Variants in GALNT13 observed in about 807,000 individuals in gnomAD.
The protein encoded by GALNT13 is polypeptide N-acetylgalactosaminyltransferase 13, also known as UDP-GalNAc:polypeptide N-acetylgalactosaminyltransferase 13.
In GALNT13, 28 loss-of-function variants were observed where a neutral mutation model predicts 64.2. That is an observed-to-expected ratio of 0.44 (90% CI 0.32 to 0.60). The LOEUF (loss-of-function observed/expected upper bound fraction) is 0.60. Ranked by LOEUF, GALNT13 falls within the 20% of genes least tolerant of loss-of-function variation. The pLI is 0.05. For missense variants in GALNT13, 577 were observed against 669.8 expected, an observed-to-expected ratio of 0.86 and a Z score of 1.53; for synonymous variants, 214 against 224.6, an observed-to-expected ratio of 0.95 and a Z score of 0.42.
At chr2:154,273,686 CA>C (rs1691478926) in intron 8 of GALNT13, among the ~76,000 whole-genome samples, 1 of 152,122 alleles carries the variant, frequency 6.6e-6, no homozygotes, top group African/African-American at 2.4e-5. Context: ...TCATTACAGA[CA>C]CATGCTTTTC....
intron 4 of GALNT13, among the ~76,000 whole-genome samples, chr2:154,185,158 G>T (rs1416597512): frequency 1.3e-5 from 2 of 151,978 alleles, no homozygotes; most frequent in African/African-American, 4.8e-5. Context: ...TAAGCACTTT[G>T]AATATGTCAT....
chr2:153,567,009 CAT>C, the GALNT13 span, among the ~76,000 whole-genome samples: 7 of 152,180 alleles, frequency 4.6e-5, no homozygotes, highest in Non-Finnish European at 1.0e-4. Flanking sequence ...AACTCCATAA[CAT>C]AAACTATTGA....
At chr2:154,318,941 C>T (rs190665324) in intron 9 of GALNT13, among the ~76,000 whole-genome samples, 8 of 151,928 alleles carry the variant, frequency 5.3e-5, no homozygotes, top group African/African-American at 1.9e-4. Flanking sequence ...ATACAGAGAG[C>T]ATATGATAAT....
chr2:153,257,194 G>T, the GALNT13 span, among the ~76,000 whole-genome samples: 1 of 152,154 alleles, frequency 6.6e-6, no homozygotes, highest in Non-Finnish European at 1.5e-5. Context: ...CGCAGTATTC[G>T]GGTGGGAGTG....
At chr2:154,378,586 G>C (rs193136395) in intron 9 of GALNT13, among the ~76,000 whole-genome samples, 1 of 152,138 alleles carries the variant, frequency 6.6e-6, no homozygotes. Flanking sequence ...TCTTACAAAA[G>C]TATGTAACAA....
the GALNT13 span, among the ~76,000 whole-genome samples, chr2:153,331,995 C>T: frequency 6.6e-5 from 10 of 152,000 alleles, no homozygotes; most frequent in East Asian, 1.3e-3. Flanking sequence ...GAGAAGGTTT[C>T]GTATTTCTGT....
the GALNT13 span, among the ~76,000 whole-genome samples, chr2:153,711,903 A>G: frequency 6.6e-6 from 1 of 152,328 alleles, no homozygotes; most frequent in Non-Finnish European, 1.5e-5. Context: ...CCTACCTTCA[A>G]GAAGGTGAAT....
intron 8 of GALNT13, among the ~76,000 whole-genome samples, chr2:154,269,926 T>TATATATATATATATATATATATA (rs1356571076): frequency 2.4e-3 from 81 of 33,282 alleles, no homozygotes; most frequent in African/African-American, 6.0e-3. Flanking sequence ...ATATATATAT[T>TATATATATATATATATATATATA]TCTAAAGCAC....
chr2:153,072,825 A>G, the GALNT13 span, among the ~76,000 whole-genome samples: 1 of 152,210 alleles, frequency 6.6e-6, no homozygotes, highest in African/African-American at 2.4e-5. Flanking sequence ...ACTCCATTGC[A>G]GAATTTACTT....
the GALNT13 span, among the ~76,000 whole-genome samples, chr2:153,221,086 A>G: frequency 6.6e-6 from 1 of 152,326 alleles, no homozygotes; most frequent in South Asian, 2.1e-4. Flanking sequence ...AACTCCCATG[A>G]CACACATTTA....
At chr2:154,013,814 G>A (rs1049211811) in intron 3 of GALNT13, among the ~76,000 whole-genome samples, 1 of 152,164 alleles carries the variant, frequency 6.6e-6, no homozygotes, top group Non-Finnish European at 1.5e-5. Flanking sequence ...GGCGAGGTCG[G>A]TCGGCCCTTG....
At chr2:153,201,020 C>T in the GALNT13 span, among the ~76,000 whole-genome samples, 1 of 152,130 alleles carries the variant, frequency 6.6e-6, no homozygotes, top group Non-Finnish European at 1.5e-5. Context: ...ATTATGGTCT[C>T]CTTTATGTTT....
chr2:154,365,033 A>G (rs1697290597), intron 9 of GALNT13, among the ~76,000 whole-genome samples: 1 of 152,208 alleles, frequency 6.6e-6, no homozygotes, highest in Non-Finnish European at 1.5e-5. Flanking sequence ...TATAACTGCC[A>G]GTTTAGCACC....
At chr2:153,820,780 C>T in the GALNT13 span, among the ~76,000 whole-genome samples, 1 of 151,842 alleles carries the variant, frequency 6.6e-6, no homozygotes, top group African/African-American at 2.4e-5. Flanking sequence ...ATATAGCCAA[C>T]ATACCCTATA....
chr2:153,098,333 T>C, the GALNT13 span, among the ~76,000 whole-genome samples: 2 of 152,190 alleles, frequency 1.3e-5, no homozygotes, highest in Non-Finnish European at 2.9e-5. Flanking sequence ...TATCTGGATA[T>C]AAAATCCTTG....
chr2:153,341,640 C>G, the GALNT13 span, among the ~76,000 whole-genome samples: 1 of 152,146 alleles, frequency 6.6e-6, no homozygotes, highest in Non-Finnish European at 1.5e-5. Flanking sequence ...TAAAGAATAC[C>G]TGGGTTTTGT....
At chr2:154,220,843 A>G (rs895574167) in intron 4 of GALNT13, among the ~76,000 whole-genome samples, 1 of 152,066 alleles carries the variant, frequency 6.6e-6, no homozygotes, top group African/African-American at 2.4e-5. Context: ...AAGTTTGTAA[A>G]GTTTAAATAA....
the GALNT13 span, among the ~76,000 whole-genome samples, chr2:153,730,946 T>C: frequency 5.4e-4 from 82 of 152,066 alleles, no homozygotes; most frequent in African/African-American, 1.9e-3. Flanking sequence ...TTGGTGAGAA[T>C]GTAAATTATA....
chr2:154,166,034 G>A (rs72871902), intron 4 of GALNT13, among the ~76,000 whole-genome samples: 7,934 of 152,228 alleles, frequency 0.052, 293 homozygotes, highest in South Asian at 0.11. Context: ...TTTTTCTTAA[G>A]GTCTCACGTG....
Sources: allele counts gnomAD v4.1 joint callset (sites outside exome capture counted in the v4.1 genomes callset), GRCh38; gene constraint gnomAD v4.1.1; transcripts MANE v1.5; gene names NCBI Gene and HGNC (gene_info 2026-07-23, HGNC 2026-07-21).